Variants in DBF4B observed in about 807,000 individuals in gnomAD.
DBF4B encodes the protein DBF4B-CDC7 kinase regulatory subunit, also known as protein DBF4 homolog B.
A neutral mutation model predicts 53.4 loss-of-function variants in DBF4B; 49 were observed. That is an observed-to-expected ratio of 0.92 (90% confidence interval 0.73 to 1.16). The LOEUF (loss-of-function observed/expected upper bound fraction) is 1.16, where lower values mean the gene tolerates loss of function less well. Among genes scored for constraint, DBF4B ranks in the 50% most tolerant of loss-of-function variants. The pLI, the probability that DBF4B is intolerant of heterozygous loss-of-function variation, is 0.00. For synonymous variants in DBF4B, 257 were observed against 288.7 expected, an observed-to-expected ratio of 0.89 and a Z score of 1.11; for missense variants, 692 against 775.0, an observed-to-expected ratio of 0.89 and a Z score of 1.27.
At chr17:44,712,133 C>CA (rs1972939634) in intron 2 of DBF4B, among the ~76,000 whole-genome samples, 1 of 151,018 alleles carries the variant, frequency 6.6e-6, no homozygotes, top group African/African-American at 2.4e-5. Flanking sequence ...AAGTTTCTCA[C>CA]AAAAAACAGG....
At chr17:44,731,120 T>C in intron 5 of DBF4B, 105 bp downstream of exon 5, 1 of 1,271,340 alleles carries the variant, frequency 7.9e-7, no homozygotes, top group Non-Finnish European at 1.1e-6. Flanking sequence ...ATGCACACTC[T>C]GCGATATGTA....
At position 44,708,712 on chromosome 17, in the gene DBF4B, C is replaced by T. The variant is rs867225316; in HGVS notation, c.-109C>T. 2 of 1,337,396 alleles carry T rather than the reference C, an allele frequency of 1.5e-6. No homozygotes were observed. Among genetic ancestry groups the T allele is most frequent in the Admixed American group, 2.7e-5 (1 of 37,600 alleles). The allele number at this position is 1,337,396 out of a possible 1,614,324, so 82.8% of individuals were successfully genotyped here. ...CGCCAAGAGATTGATGCTGTAGCTGCCCTGAGATAACCAGGACTGTGGAAT... is the reference window on the plus strand; with the variant it reads ...CGCCAAGAGATTGATGCTGTAGCTGTCCTGAGATAACCAGGACTGTGGAAT... On this transcript the variant is annotated 5_prime_UTR_variant, in exon 1 of 14. Coordinates refer to ENST00000315005, the MANE Select transcript of DBF4B (RefSeq NM_145663.3).
chr17:44,744,081 A>ACCACCC (rs1976348417), intron 10 of DBF4B, among the ~76,000 whole-genome samples: 1 of 8,694 alleles, frequency 1.2e-4, no homozygotes, highest in Non-Finnish European at 1.8e-4. Context: ...TAATGAGACC[A>ACCACCC]CCCCCCCCCC....
At chr17:44,734,042 A>G (rs767353316) in intron 6 of DBF4B, 48 bp from the exon 7 acceptor site, 4 of 1,506,560 alleles carry the variant, frequency 2.7e-6, no homozygotes, top group Non-Finnish European at 3.7e-6. Context: ...TGTGCTAGGT[A>G]AGTGAAGACT....
rs747641537 is a variant in DBF4B, at chr17:44,709,313, G to C, written c.29G>C (p.Cys10Ser). MSEPGKGDD[C>S]LELESSMAES... is the part of the protein sequence containing the mutation. ...TTATGTCCTTTCTCAGGAGACGATTGCCTCGAGCTGGAGAGTTCCATGGCT... is the reference window on the plus strand; with the variant it reads ...TTATGTCCTTTCTCAGGAGACGATTCCCTCGAGCTGGAGAGTTCCATGGCT... The change falls in exon 2 of 14, where the codon TGC (cysteine) becomes TCC (serine). Residue 10 changes from cysteine to serine, a missense_variant. Transcript: ENST00000315005. The C allele has an allele frequency of 3.1e-6, 5 of 1,614,118 alleles. No homozygotes were observed. The highest frequency in any genetic ancestry group is 4.2e-6 in the Non-Finnish European group (5 of 1,180,026).
chr17:44,717,887 G>A (rs1172279178), intron 2 of DBF4B, among the ~76,000 whole-genome samples: 1 of 151,592 alleles, frequency 6.6e-6, no homozygotes. Flanking sequence ...ATGGTGGTGC[G>A]TGACATGGTG....
At position 44,729,897 on chromosome 17, in the gene DBF4B, G is replaced by A. The variant is rs1347265480; in HGVS notation, c.226-8G>A. The A allele has an allele frequency of 4.3e-6, 7 of 1,612,706 alleles. No individual in the cohort carries two copies. Among genetic ancestry groups the A allele is most frequent in the Non-Finnish European group, 5.1e-6 (6 of 1,179,104 alleles). ...TGGTTTTCAGCCACCTCTGTGATCT[G>A]GTTTCAGGTAATTGAGGGTTTTCTG... On this transcript the variant is annotated splice_polypyrimidine_tract_variant and splice_region_variant and intron_variant, in intron 3 of 13. Coordinates refer to ENST00000315005, the MANE Select transcript of DBF4B (RefSeq NM_145663.3).
chr17:44,736,762 T>C (rs1364668042), intron 7 of DBF4B, 68 bp from the exon 8 acceptor site: 2 of 1,579,080 alleles, frequency 1.3e-6, no homozygotes, highest in African/African-American at 2.7e-5. Flanking sequence ...CCACTTGGCT[T>C]ATCAGGCCCA....
intron 12 of DBF4B, among the ~76,000 whole-genome samples, chr17:44,747,722 T>C (rs2145153415): frequency 6.6e-6 from 1 of 152,288 alleles, no homozygotes; most frequent in South Asian, 2.1e-4. Context: ...CTTCACTTGA[T>C]GAAGACTAGA....
chr17:44,732,091 C>A (rs973421275), intron 5 of DBF4B, 87 bp from the exon 6 acceptor site: 1 of 1,358,276 alleles, frequency 7.4e-7, no homozygotes, highest in Non-Finnish European at 1.0e-6. Context: ...ATGACTCAGG[C>A]CTCCCAGAAG....
Position 44,724,785 on chromosome 17 carries a change from G to A in DBF4B, c.225+1763G>A, listed in dbSNP as rs557032862. On this transcript the variant is annotated intron_variant, in intron 3 of 13. Transcript: ENST00000315005. ...GCTGGAGTCCAGGAGTTTGAGACCA[G>A]CCTGGGCAACATAGTGAGACCTCAT... 5.3e-5 allele frequency among the ~76,000 whole-genome samples: 8 copies of A among 152,276 alleles called. No homozygotes were observed. The East Asian group carries it at 1.5e-3, about 29-fold the overall frequency.
chr17:44,743,545 AGCCTGGG>A (rs1299852437), intron 10 of DBF4B, among the ~76,000 whole-genome samples: 1 of 151,558 alleles, frequency 6.6e-6, no homozygotes, highest in African/African-American at 2.4e-5. Context: ...TGGAGAGTGC[AGCCTGGG>A]GCAGCATGAA....
chr17:44,749,831 C>T lies in DBF4B; in HGVS notation c.1190-764C>T. 1 of 1,035,352 alleles carries T rather than the reference C, an allele frequency of 9.7e-7. No individual in the cohort carries two copies. Among genetic ancestry groups the T allele is most frequent in the Admixed American group, 5.0e-5 (1 of 19,982 alleles). 64.1% of individuals were successfully genotyped at this position (1,035,352 alleles called of 1,614,324 possible). The stretch of plus-strand genomic sequence containing the variant: ...TCCACCCCCAACCCCGGCCTCCTTT[C>T]TCACGAGCATGTGGCCGCTCCTGCT... On this transcript the variant is annotated intron_variant, in intron 13 of 13. Coordinates refer to ENST00000315005, the MANE Select transcript of DBF4B (RefSeq NM_145663.3). This position sits in a 1 kb window ranked among gnomAD's most constrained non-coding sequence, Gnocchi z 4.4.
At chr17:44,721,259 C>T (rs925891779) in intron 2 of DBF4B, among the ~76,000 whole-genome samples, 4 of 135,514 alleles carry the variant, frequency 3.0e-5, no homozygotes, top group African/African-American at 1.2e-4. Flanking sequence ...CCCTCTGTTA[C>T]CCAGACTGGA....
chr17:44,741,505 C>A, intron 10 of DBF4B, 53 bp downstream of exon 10: 5 of 1,261,668 alleles, frequency 4.0e-6, no homozygotes, highest in Non-Finnish European at 5.6e-6. Context: ...CCAAAGTCCT[C>A]CCCATCGGGG....
chr17:44,735,485 A>G (rs999634639), intron 7 of DBF4B, among the ~76,000 whole-genome samples: 5 of 152,088 alleles, frequency 3.3e-5, no homozygotes, highest in Non-Finnish European at 5.9e-5. Context: ...CCAGTTGGCC[A>G]ACATGGTGAA....
At chr17:44,708,906 A>T in intron 1 of DBF4B, 67 bp downstream of exon 1, 2 of 1,541,986 alleles carry the variant, frequency 1.3e-6, no homozygotes, top group African/African-American at 1.4e-5. Flanking sequence ...CGAGGTGCGG[A>T]GTCGTGGAGG....
intron 10 of DBF4B, among the ~76,000 whole-genome samples, chr17:44,743,127 G>A (rs1175081171): frequency 1.3e-5 from 2 of 152,230 alleles, no homozygotes; most frequent in African/African-American, 2.4e-5. Context: ...GTCAGAAGGT[G>A]GCCCAGGCTT....
chr17:44,717,292 T>C (rs1460610030), intron 2 of DBF4B, among the ~76,000 whole-genome samples: 1 of 152,200 alleles, frequency 6.6e-6, no homozygotes, highest in Non-Finnish European at 1.5e-5. Context: ...TGTGGATAGA[T>C]CTTTTCGTTT....
Sources: allele counts gnomAD v4.1 joint callset (sites outside exome capture counted in the v4.1 genomes callset), GRCh38; gene constraint gnomAD v4.1.1; non-coding constraint Gnocchi (gnomAD v3.1); transcripts MANE v1.5; gene names NCBI Gene and HGNC (gene_info 2026-07-23, HGNC 2026-07-21).